The following EPB41L4B variants were observed in gnomAD, a reference collection of about 807,000 sequenced individuals.
EPB41L4B encodes erythrocyte membrane protein band 4.1 like 4B, also known as band 4.1-like protein 4B.
In EPB41L4B, 30 loss-of-function variants were observed where a neutral mutation model predicts 112.5. That is an observed-to-expected ratio of 0.27 (90% CI 0.20 to 0.36). The LOEUF is 0.36. EPB41L4B is among the 10% of genes least tolerant of loss of function. The probability of loss-of-function intolerance (pLI) is 1.00; values close to 1 mark genes in which losing one functional copy is unlikely to be tolerated. For missense variants in EPB41L4B, 1,024 were observed against 1,133.3 expected (o/e 0.90, Z 1.38); for synonymous variants, 408 against 439.7 (o/e 0.93, Z 0.90).
rs935751698 is a variant in EPB41L4B at position 109,172,786 on chromosome 9, C to T, written c.*1768G>A. On this transcript the variant is annotated 3_prime_UTR_variant, in exon 26 of 26. Coordinates refer to ENST00000374566, the MANE Select transcript of EPB41L4B (RefSeq NM_019114.5). ...ATTCAGCACTTAAAGGGTTAATCCT[C>T]GGTTATCTGAATATTCACATACATT... 6.6e-6 allele frequency: 1 copy of T among 152,576 alleles called. No homozygotes were observed. The highest frequency in any genetic ancestry group is 2.4e-5 in the African/African-American group (1 of 41,434). 9.5% of individuals were successfully genotyped at this position (152,576 alleles called of 1,614,324 possible).
At chr9:109,270,332 T>C (rs1835564758) in intron 2 of EPB41L4B, among the ~76,000 whole-genome samples, 1 of 152,230 alleles carries the variant, frequency 6.6e-6, no homozygotes, top group Non-Finnish European at 1.5e-5. Flanking sequence ...TTTGGGATGG[T>C]GGGGCTGTGA....
At chr9:109,283,209 T>C (rs573960008) in intron 1 of EPB41L4B, among the ~76,000 whole-genome samples, 1 of 152,180 alleles carries the variant, frequency 6.6e-6, no homozygotes, top group Non-Finnish European at 1.5e-5. Flanking sequence ...CACTAAGGGC[T>C]TCTGGGCGGT....
intron 6 of EPB41L4B, among the ~76,000 whole-genome samples, chr9:109,259,507 T>C (rs554405256): frequency 1.1e-4 from 17 of 152,292 alleles, no homozygotes; most frequent in Non-Finnish European, 2.1e-4. Flanking sequence ...TTGCAATCTC[T>C]GCAGCCAGGC....
In EPB41L4B at chr9:109,249,072, A is replaced by AAT. The variant is rs1405931516; in HGVS notation, c.1311-1285_1311-1284dup. Among the ~76,000 whole-genome samples, 245 of 130,852 alleles carry AAT rather than the reference A, an allele frequency of 1.9e-3. 1 individual carries two copies. Among genetic ancestry groups the AAT allele is most frequent in the Admixed American group, 3.0e-3 (38 of 12,690 alleles). 85.8% of individuals were successfully genotyped at this position (130,852 alleles called of 152,430 possible). The stretch of plus-strand genomic sequence containing the variant: ...AGACTCCATCTCAAAAAAAAAAAAA[A>AAT]ATATATATATATATATATGTATATA... On this transcript the variant is annotated intron_variant, in intron 13 of 25. Coordinates refer to ENST00000374566, the MANE Select transcript of EPB41L4B (RefSeq NM_019114.5).
At chr9:109,180,555 G>A (rs1832018407) in intron 24 of EPB41L4B, among the ~76,000 whole-genome samples, 1 of 152,094 alleles carries the variant, frequency 6.6e-6, no homozygotes, top group Non-Finnish European at 1.5e-5. Flanking sequence ...GAAATGGACT[G>A]TTCTAGGAAC....
chr9:109,278,371 T>C (rs1475054738), intron 2 of EPB41L4B, among the ~76,000 whole-genome samples: 3 of 152,052 alleles, frequency 2.0e-5, no homozygotes, highest in Admixed American at 6.6e-5. Flanking sequence ...AGTGGGAGTG[T>C]CCACCCCAGA....
chr9:109,291,885 C>G (rs1836548972), intron 1 of EPB41L4B, among the ~76,000 whole-genome samples: 1 of 152,134 alleles, frequency 6.6e-6, no homozygotes, highest in African/African-American at 2.4e-5. Context: ...ACGGAGGGAT[C>G]AATTTAAAAC....
intron 22 of EPB41L4B, among the ~76,000 whole-genome samples, 164 bp from the exon 23 acceptor site, chr9:109,185,769 G>C (rs544991983): frequency 6.6e-6 from 1 of 151,946 alleles, no homozygotes; most frequent in Non-Finnish European, 1.5e-5. Context: ...CTACTTCCAG[G>C]CTCTGGCCAA....
chr9:109,281,683 C>CATAAATAAATAA (rs201132051), intron 1 of EPB41L4B, among the ~76,000 whole-genome samples: 3 of 138,564 alleles, frequency 2.2e-5, no homozygotes, highest in African/African-American at 5.5e-5. Flanking sequence ...GACTCCGTCT[C>CATAAATAAATAA]ATAAATAAAT....
intron 14 of EPB41L4B, among the ~76,000 whole-genome samples, chr9:109,245,539 G>T (rs1050962518): frequency 2.0e-5 from 3 of 152,204 alleles, no homozygotes; most frequent in Non-Finnish European, 2.9e-5. Context: ...TAGTAAGAGA[G>T]AAAAGGGAAG....
intron 15 of EPB41L4B, among the ~76,000 whole-genome samples, chr9:109,236,350 T>G (rs182211496): frequency 1.3e-3 from 192 of 152,226 alleles, no homozygotes; most frequent in African/African-American, 4.5e-3. Context: ...GTGCATAGCT[T>G]TGCTGAGCAG....
chr9:109,258,378 T>G, intron 6 of EPB41L4B, 81 bp from the exon 7 acceptor site: 1 of 1,515,658 alleles, frequency 6.6e-7, no homozygotes, highest in Admixed American at 1.8e-5. Flanking sequence ...AAAGGCATTT[T>G]GCATCATTAT....
intron 1 of EPB41L4B, among the ~76,000 whole-genome samples, chr9:109,280,837 C>T (rs889846789): frequency 7.9e-5 from 12 of 151,762 alleles, no homozygotes; most frequent in South Asian, 2.1e-4. Flanking sequence ...TAGGATGACT[C>T]GGTGGCAACT....
At chr9:109,285,098 C>T (rs952932558) in intron 1 of EPB41L4B, among the ~76,000 whole-genome samples, 1 of 152,216 alleles carries the variant, frequency 6.6e-6, no homozygotes, top group Admixed American at 6.5e-5. Context: ...TGCCATGGTG[C>T]CCTGAATACA....
chr9:109,272,744 C>T (rs1241530843), intron 2 of EPB41L4B, among the ~76,000 whole-genome samples: 3 of 152,140 alleles, frequency 2.0e-5, no homozygotes, highest in African/African-American at 7.2e-5. Context: ...CAGAGTAAGA[C>T]CCTATCTCAA....
intron 1 of EPB41L4B, among the ~76,000 whole-genome samples, chr9:109,305,605 G>T (rs1837156787): frequency 6.6e-6 from 1 of 152,046 alleles, no homozygotes; most frequent in African/African-American, 2.4e-5. Context: ...GCGAAAGAGG[G>T]AGACTCTGTC....
intron 15 of EPB41L4B, among the ~76,000 whole-genome samples, chr9:109,218,014 G>A (rs961337203): frequency 2.0e-5 from 3 of 150,954 alleles, no homozygotes; most frequent in Admixed American, 6.6e-5. Context: ...GTCTCTGCTC[G>A]TTCCTTTAGT....
chr9:109,268,365 G>T, intron 3 of EPB41L4B, 26 bp downstream of exon 3: 1 of 1,604,562 alleles, frequency 6.2e-7, no homozygotes, highest in South Asian at 1.1e-5. Flanking sequence ...AAAAATAAAT[G>T]AGTGAGCTAA....
chr9:109,243,627 G>A lies in EPB41L4B; in HGVS notation c.1400C>T (p.Pro467Leu), dbSNP rs1389368552. ...PSQPRWHPHS[P>L]NVSYPLPSPV... ...AAGCACCAGCACTTACCTGACATTT[G>A]GAGAGTGAGGATGCCACCGGGGCTG... Residue 467 changes from proline (P) to leucine (L), a missense_variant, in exon 15 of 26, where the codon CCA becomes CTA. Physicochemically the swap from Pro to Leu is moderately conservative, Grantham distance 98. Coordinates refer to ENST00000374566, the MANE Select transcript of EPB41L4B (RefSeq NM_019114.5). 9.3e-6 allele frequency: 15 copies of A among 1,614,046 alleles called. No individual in the cohort carries two copies. The highest frequency in any genetic ancestry group is 4.0e-5 in the African/African-American group (3 of 74,926).
Sources: allele counts gnomAD v4.1 joint callset (sites outside exome capture counted in the v4.1 genomes callset), GRCh38; gene constraint gnomAD v4.1.1; transcripts MANE v1.5; gene names NCBI Gene and HGNC (gene_info 2026-07-23, HGNC 2026-07-21).